Variants in OFD1 observed in about 807,000 individuals in gnomAD.
OFD1 encodes the protein OFD1 centriole and centriolar satellite protein.
Under a neutral mutation model 81.4 loss-of-function variants are expected in OFD1, and 12 were observed. That is an observed-to-expected ratio of 0.15 (90% CI 0.09 to 0.24). OFD1 has a LOEUF of 0.24. OFD1 is among the 10% of genes least tolerant of loss of function. OFD1 has a pLI of 1.00. For synonymous variants in OFD1, 256 were observed against 263.7 expected (o/e 0.97, Z 0.28); for missense variants, 685 against 733.9 (o/e 0.93, Z 0.77).
the OFD1 span, chrX:13,716,090 G>A: frequency 8.4e-7 from 1 of 1,185,595 alleles, no homozygotes; most frequent in Non-Finnish European, 1.1e-6. Context: ...AACCTCATAT[G>A]TGAAATAATT....
rs190715863 is a variant in OFD1 at position 13,751,555 on chromosome X, C to G, written c.1055+187C>G. Among the ~76,000 whole-genome samples the G allele has an allele frequency of 5.7e-3, 637 of 111,298 alleles. 4 individuals are homozygous for G. The highest frequency in any genetic ancestry group is 0.02 in the African/African-American group (599 of 30,632). On this transcript the variant is annotated intron_variant, in intron 10 of 22. Transcript: ENST00000340096. ...AGGATAGTTTTTAAAAGATAAGGGC[C>G]GGGTGTGGTGGCTCATGCCTATAAT...
chrX:13,734,929 T>G lies in OFD1; in HGVS notation c.-143T>G. The G allele has an allele frequency of 9.0e-7, 1 of 1,109,564 alleles. No homozygotes were observed. The highest frequency in any genetic ancestry group is 2.2e-5 in the South Asian group (1 of 46,499). The allele number at this position is 1,109,564 out of a possible 1,213,427, so 91.4% of individuals were successfully genotyped here. On this transcript the variant is annotated 5_prime_UTR_variant, in exon 1 of 23. Coordinates refer to ENST00000340096, the MANE Select transcript of OFD1 (RefSeq NM_003611.3). Reference sequence around the variant, plus strand: ...GCGAGGCAGAGAACGTTCAGCACCTTTGTTCCTCCCGAACCCTCGGGACAG... The same window carrying G: ...GCGAGGCAGAGAACGTTCAGCACCTGTGTTCCTCCCGAACCCTCGGGACAG...
rs775401687 is a variant in OFD1 at position 13,763,875 on chromosome X, TAACA to T, written c.2599+21_2599+24del. ...ACCCAAGTAAGTTCTTTTTTTGAAC[TAACA>T]GTCAGCAGGGTCGCATACTAAATAC... On this transcript the variant is annotated intron_variant, in intron 19 of 22. Transcript: ENST00000340096. 9.0e-7 allele frequency: 1 copy of T among 1,113,702 alleles called. No individual in the cohort carries two copies. The highest frequency in any genetic ancestry group is 3.0e-5 in the East Asian group (1 of 33,499). The allele number at this position is 1,113,702 out of a possible 1,213,427, so 91.8% of individuals were successfully genotyped here.
chrX:13,756,453 A>T, intron 12 of OFD1, 125 bp from the exon 13 acceptor site: 1 of 506,514 alleles, frequency 2.0e-6, no homozygotes, highest in Non-Finnish European at 3.3e-6. Flanking sequence ...ATTGTAGAGA[A>T]TCAGACTTCT....
At chrX:13,770,833 ATTTGATTTCCATACCAATGTGAAATC>A (rs2048282460), downstream of OFD1, among the ~76,000 whole-genome samples, 1 of 112,486 alleles carries the variant, frequency 8.9e-6, no homozygotes, top group Non-Finnish European at 1.9e-5. Flanking sequence ...GCACTCACAG[ATTTGATTTCCATACCAATGTGAAATC>A]TTGACTCTGC....
intron 15 of OFD1, among the ~76,000 whole-genome samples, chrX:13,759,700 A>G (rs1285525132): frequency 8.9e-6 from 1 of 112,467 alleles, no homozygotes; most frequent in African/African-American, 3.2e-5. Context: ...AGTAAAGCAC[A>G]TTAATTATTT....
intron 4 of OFD1, 31 bp downstream of exon 4, chrX:13,738,945 T>C: frequency 8.5e-7 from 1 of 1,172,451 alleles, no homozygotes; most frequent in Middle Eastern, 2.6e-4. Flanking sequence ...TAATCTACTT[T>C]GGTTTGTTAA....
the OFD1 span, among the ~76,000 whole-genome samples, chrX:13,714,713 G>A: frequency 8.9e-6 from 1 of 112,325 alleles, no homozygotes; most frequent in African/African-American, 3.2e-5. Flanking sequence ...AGAAGTATCT[G>A]TGGCAAAACT....
upstream of OFD1, among the ~76,000 whole-genome samples, chrX:13,731,477 G>C (rs757288029): frequency 2.3e-4 from 26 of 112,430 alleles, no homozygotes; most frequent in Non-Finnish European, 4.5e-4. Context: ...TCTGAAGGGA[G>C]ATACGGTAGG....
chrX:13,734,820 T>G lies in OFD1; in HGVS notation c.-252T>G, dbSNP rs1024820468. On this transcript the variant is annotated 5_prime_UTR_variant, in exon 1 of 23. Coordinates refer to ENST00000340096, the MANE Select transcript of OFD1 (RefSeq NM_003611.3). ...TGGGTCCCCGCCCTCCAGCCGCCTT[T>G]GAGTCGTGCCTGGGTCCTCGCCCTT... is the stretch of plus-strand genomic sequence containing the variant. The G allele has an allele frequency of 9.3e-7, 1 of 1,076,572 alleles. No individual in the cohort carries two copies. The highest frequency in any genetic ancestry group is 3.9e-5 in the Admixed American group (1 of 25,553). The allele number at this position is 1,076,572 out of a possible 1,213,427, so 88.7% of individuals were successfully genotyped here.
At position 13,769,260 on chromosome X, in the gene OFD1, A is replaced by G. The variant is rs1040896861; in HGVS notation, c.*152A>G. ...TTTTTCCATAATTAATTTTGATACC[A>G]TAGTGTGTGAACCAAGAATAATCTA... On this transcript the variant is annotated 3_prime_UTR_variant, in exon 23 of 23. Coordinates refer to ENST00000340096, the MANE Select transcript of OFD1 (RefSeq NM_003611.3). 2.0e-6 allele frequency: 1 copy of G among 504,934 alleles called. No individual in the cohort carries two copies. Among genetic ancestry groups the G allele is most frequent in the Non-Finnish European group, 3.5e-6 (1 of 282,744 alleles). 41.6% of individuals were successfully genotyped at this position (504,934 alleles called of 1,213,427 possible).
rs776400568 is a variant in OFD1 at position 13,746,225 on chromosome X, C to G, written c.518-94C>G. On this transcript the variant is annotated intron_variant, in intron 6 of 22. Coordinates refer to ENST00000340096, the MANE Select transcript of OFD1 (RefSeq NM_003611.3). ...TTGCAGATAATCCCTACACTTTCCC[C>G]TAAGTATCCTCTTTACTTTTGAACC... 1.9e-4 allele frequency: 157 copies of G among 810,458 alleles called. No individual in the cohort carries two copies. In the Admixed American group the frequency reaches 3.6e-3, roughly 18 times the overall value. The allele number at this position is 810,458 out of a possible 1,213,427, so 66.8% of individuals were successfully genotyped here. A position where few individuals can be genotyped will look rare whatever the true frequency, so the allele number is the denominator to read the frequency against.
At chrX:13,716,146 C>T in the OFD1 span, 4 of 1,087,296 alleles carry the variant, frequency 3.7e-6, no homozygotes, top group South Asian at 2.1e-5. Context: ...GCAACCAGTT[C>T]GTTGATACAG....
At chrX:13,769,044 T>C (rs1379132421) in intron 22 of OFD1, 22 bp from the exon 23 acceptor site, 3 of 1,139,321 alleles carry the variant, frequency 2.6e-6, no homozygotes, top group Non-Finnish European at 3.6e-6. Context: ...TACATTTTAA[T>C]TTTTATCTTT....
intron 19 of OFD1, 150 bp downstream of exon 19, chrX:13,764,005 T>C: frequency 2.0e-6 from 1 of 505,117 alleles, no homozygotes; most frequent in Non-Finnish European, 3.5e-6. Flanking sequence ...TGTCATTATA[T>C]TGTTAATGAC....
chrX:13,716,407 A>G, the OFD1 span: 1 of 867,164 alleles, frequency 1.2e-6, no homozygotes, highest in Non-Finnish European at 1.6e-6. Context: ...AGCCCCATAA[A>G]TGGAAACTTA....
rs1167861190 is a variant in OFD1 at position 13,740,021 on chromosome X, C to A, written c.412+989C>A. 23 of 924,996 alleles carry A rather than the reference C, an allele frequency of 2.5e-5. No homozygotes were observed. The South Asian group carries it at 4.7e-4, about 19-fold the overall frequency. The allele number at this position is 924,996 out of a possible 1,213,427, so 76.2% of individuals were successfully genotyped here. On this transcript the variant is annotated intron_variant, in intron 5 of 22. Coordinates refer to ENST00000340096, the MANE Select transcript of OFD1 (RefSeq NM_003611.3). ...GCACTATCATCCCCACAAGGACATT[C>A]ATTTATTCATCCATTCATTCGCCAA...
At chrX:13,730,875 C>G (rs12007050), upstream of OFD1, among the ~76,000 whole-genome samples, 4,232 of 92,879 alleles carry the variant, frequency 0.046, 239 homozygotes, top group African/African-American at 0.15. Context: ...AATGAGATCA[C>G]TTGGACACAG....
chrX:13,758,181 G>GTT (rs201339023), intron 14 of OFD1, among the ~76,000 whole-genome samples, 156 bp from the exon 15 acceptor site: 4 of 108,756 alleles, frequency 3.7e-5, no homozygotes, highest in Non-Finnish European at 5.7e-5. Context: ...TTCTGCTTGT[G>GTT]TTTTTTTTTA....
Sources: gnomAD v4.1 joint callset for allele counts (sites outside exome capture counted in the v4.1 genomes callset) on GRCh38, gnomAD v4.1.1 for gene constraint, MANE v1.5 for transcripts, NCBI Gene and HGNC (gene_info 2026-07-23, HGNC 2026-07-21) for gene names.